AGBL4: variants seen among roughly 807,000 people sequenced by gnomAD.
AGBL4 encodes the protein cytosolic carboxypeptidase 6.
In AGBL4, 58 loss-of-function variants were observed where a neutral mutation model predicts 66.4. That is an observed-to-expected ratio of 0.87 (90% CI 0.71 to 1.09). AGBL4 has a LOEUF of 1.09. Among genes scored for constraint, AGBL4 ranks in the 50% least tolerant of loss-of-function variants. AGBL4 has a pLI of 0.00. For synonymous variants in AGBL4, 234 were observed against 222.9 expected (o/e 1.05, Z -0.44); for missense variants, 579 against 631.0 (o/e 0.92, Z 0.88).
At chr1:48,813,957 G>GTAA (rs1445105450) in intron 6 of AGBL4, among the ~76,000 whole-genome samples, 1 of 151,856 alleles carries the variant, frequency 6.6e-6, no homozygotes, top group African/African-American at 2.4e-5. Flanking sequence ...AAAATCCTAG[G>GTAA]TAATAATAAT....
intron 3 of AGBL4, among the ~76,000 whole-genome samples, chr1:49,543,299 T>C (rs1652211317): frequency 6.6e-6 from 1 of 152,134 alleles, no homozygotes; most frequent in Non-Finnish European, 1.5e-5. Flanking sequence ...GACTGATGAA[T>C]TGACTGGCAG....
rs34172664 is a variant in AGBL4 at position 49,735,296 on chromosome 1, GGTGTGTGTGT to G, written c.158-37869_158-37860del. Among the ~76,000 whole-genome samples, 46 of 127,382 alleles carry G rather than the reference GGTGTGTGTGT, an allele frequency of 3.6e-4. 1 individual carries two copies. The highest frequency in any genetic ancestry group is 6.8e-4 in the African/African-American group (21 of 30,850). 83.6% of individuals were successfully genotyped at this position (127,382 alleles called of 152,430 possible). The stretch of plus-strand genomic sequence containing the variant: ...TAAAACAAAGAGGTAGAGGTGTGTG[GGTGTGTGTGT>G]GTGTGTGTGTGTGTGTGTGTGTGTG... On this transcript the variant is annotated intron_variant, in intron 2 of 13. Coordinates refer to ENST00000371839, the MANE Select transcript of AGBL4 (RefSeq NM_032785.4).
At chr1:49,603,044 C>G (rs1644992337) in intron 3 of AGBL4, among the ~76,000 whole-genome samples, 1 of 151,920 alleles carries the variant, frequency 6.6e-6, no homozygotes, top group South Asian at 2.1e-4. Flanking sequence ...AAAAGATTAG[C>G]AAGATGACTT....
At chr1:49,174,066 AAG>A (rs1487604293) in intron 4 of AGBL4, among the ~76,000 whole-genome samples, 1 of 152,156 alleles carries the variant, frequency 6.6e-6, no homozygotes, top group East Asian at 1.9e-4. Context: ...GTGAAAGGAA[AAG>A]AGAGATAGAA....
intron 5 of AGBL4, among the ~76,000 whole-genome samples, chr1:48,987,290 A>G (rs1660253470): frequency 6.6e-6 from 1 of 151,964 alleles, no homozygotes; most frequent in Admixed American, 6.6e-5. Context: ...TCCTTCAAAC[A>G]TAAAGACATA....
At chr1:48,773,779 T>A (rs1490506996) in intron 6 of AGBL4, among the ~76,000 whole-genome samples, 1 of 152,202 alleles carries the variant, frequency 6.6e-6, no homozygotes, top group Non-Finnish European at 1.5e-5. Flanking sequence ...TAGGCAAGTC[T>A]CTGAGCTTCG....
intron 3 of AGBL4, among the ~76,000 whole-genome samples, chr1:49,593,446 T>C (rs920807457): frequency 3.3e-5 from 5 of 152,064 alleles, no homozygotes; most frequent in Non-Finnish European, 5.9e-5. Flanking sequence ...AGGGTAATAC[T>C]GAAAACAACT....
intron 5 of AGBL4, among the ~76,000 whole-genome samples, chr1:48,958,137 C>T (rs1035902032): frequency 1.8e-4 from 27 of 152,126 alleles, no homozygotes; most frequent in African/African-American, 6.5e-4. Flanking sequence ...GGATTACAGG[C>T]GTGAGCCACT....
At chr1:50,018,882 T>G (rs1407162410) in intron 1 of AGBL4, among the ~76,000 whole-genome samples, 2 of 152,162 alleles carry the variant, frequency 1.3e-5, no homozygotes, top group Non-Finnish European at 2.9e-5. Flanking sequence ...TTTAAACTTT[T>G]GAAAATATTT....
intron 9 of AGBL4, among the ~76,000 whole-genome samples, chr1:48,603,344 C>A (rs1478813570): frequency 6.6e-6 from 1 of 152,154 alleles, no homozygotes; most frequent in Non-Finnish European, 1.5e-5. Context: ...GTAGTGCATG[C>A]CTGTAATCCC....
At chr1:48,989,270 G>A (rs1387891768) in intron 5 of AGBL4, among the ~76,000 whole-genome samples, 5 of 151,522 alleles carry the variant, frequency 3.3e-5, no homozygotes, top group African/African-American at 9.7e-5. Flanking sequence ...ATATATTTAC[G>A]GGGTACATGA....
At chr1:49,492,504 T>C (rs1647212689) in intron 3 of AGBL4, among the ~76,000 whole-genome samples, 1 of 152,006 alleles carries the variant, frequency 6.6e-6, no homozygotes, top group East Asian at 1.9e-4. Context: ...TGTATTGCTT[T>C]CTAATCAAAA....
intron 4 of AGBL4, among the ~76,000 whole-genome samples, chr1:49,081,762 C>G (rs1243078024): frequency 6.6e-6 from 1 of 152,146 alleles, no homozygotes; most frequent in African/African-American, 2.4e-5. Flanking sequence ...AGGAAAAAGC[C>G]AAAGTTTTTT....
At chr1:48,801,156 A>T (rs1027585285) in intron 6 of AGBL4, among the ~76,000 whole-genome samples, 2 of 151,912 alleles carry the variant, frequency 1.3e-5, no homozygotes, top group Admixed American at 6.6e-5. Context: ...GGCCAATCTG[A>T]CTCCACTGTG....
rs571467505 is a variant in AGBL4, at chr1:48,749,367, C to T, written c.635-86126G>A. On this transcript the variant is annotated intron_variant, in intron 6 of 13. Transcript: ENST00000371839. ...AGCACCCAGCGCAATGTCCTCCATA[C>T]AGAACACTCACTAAACACGTGTTTA... 4.4e-4 allele frequency among the ~76,000 whole-genome samples: 67 copies of T among 152,276 alleles called. 2 individuals are homozygous for T. The South Asian group carries it at 0.014, about 31-fold the overall frequency.
At chr1:50,012,908 T>C (rs1488659948) in intron 1 of AGBL4, among the ~76,000 whole-genome samples, 2 of 152,076 alleles carry the variant, frequency 1.3e-5, no homozygotes, top group South Asian at 2.1e-4. Context: ...GTACAAATAA[T>C]AAAAGGAAAA....
intron 11 of AGBL4, 59 bp from the exon 12 acceptor site, chr1:48,539,797 G>T: frequency 8.8e-7 from 1 of 1,135,168 alleles, no homozygotes. Context: ...AGTGAAAAGA[G>T]AACTACTAAT....
At chr1:48,527,144 T>C in the AGBL4 span, among the ~76,000 whole-genome samples, 1 of 152,168 alleles carries the variant, frequency 6.6e-6, no homozygotes, top group Non-Finnish European at 1.5e-5. Flanking sequence ...TTTGAGATTT[T>C]GTTCATTCTT....
At chr1:48,844,816 A>G (rs1646876290) in intron 6 of AGBL4, among the ~76,000 whole-genome samples, 1 of 152,190 alleles carries the variant, frequency 6.6e-6, no homozygotes, top group African/African-American at 2.4e-5. Context: ...CATATGGATT[A>G]TATTTTTCTT....
Sources: gnomAD v4.1 joint callset for allele counts (sites outside exome capture counted in the v4.1 genomes callset) on GRCh38, gnomAD v4.1.1 for gene constraint, MANE v1.5 for transcripts, NCBI Gene and HGNC (gene_info 2026-07-23, HGNC 2026-07-21) for gene names.